GALNTL6: variants seen among roughly 807,000 people sequenced by gnomAD.
GALNTL6 encodes the protein polypeptide N-acetylgalactosaminyltransferase like 6, also known as polypeptide N-acetylgalactosaminyltransferase-like 6.
A neutral mutation model predicts 73.7 loss-of-function variants in GALNTL6; 46 were observed. The ratio of observed to expected loss-of-function variants is 0.62; its 90% CI spans 0.49 to 0.80. GALNTL6 has a LOEUF of 0.80. GALNTL6 is among the 30% of genes least tolerant of loss of function. GALNTL6 has a pLI of 0.00. For synonymous variants in GALNTL6, 259 were observed against 263.7 expected (o/e 0.98, Z 0.17); for missense variants, 604 against 755.0 (o/e 0.80, Z 2.34).
intron 5 of GALNTL6, among the ~76,000 whole-genome samples, chr4:172,372,331 G>A (rs61271678): frequency 0.015 from 2,332 of 152,210 alleles, 62 homozygotes; most frequent in African/African-American, 0.052. Flanking sequence ...TTGAAGCACC[G>A]GTCCCTCAAG....
At chr4:172,551,373 A>G (rs1459436286) in intron 5 of GALNTL6, among the ~76,000 whole-genome samples, 1 of 152,174 alleles carries the variant, frequency 6.6e-6, no homozygotes, top group Admixed American at 6.5e-5. Flanking sequence ...ATATAATTTC[A>G]GAGTAACATA....
intron 2 of GALNTL6, among the ~76,000 whole-genome samples, chr4:171,949,647 A>C (rs1057237603): frequency 1.3e-5 from 2 of 152,240 alleles, no homozygotes; most frequent in African/African-American, 4.8e-5. Flanking sequence ...TACTAGAATA[A>C]AAAGTGTCAA....
chr4:172,831,029 C>T (rs1742599602), intron 7 of GALNTL6, among the ~76,000 whole-genome samples: 1 of 144,970 alleles, frequency 6.9e-6, no homozygotes, highest in South Asian at 2.3e-4. Flanking sequence ...CATGGTGGCA[C>T]ATGCTTGTAA....
intron 5 of GALNTL6, among the ~76,000 whole-genome samples, chr4:172,792,548 G>A (rs1325965194): frequency 4.6e-5 from 7 of 151,656 alleles, no homozygotes; most frequent in Non-Finnish European, 1.0e-4. Flanking sequence ...CTTCCAAAAA[G>A]GAAAATGAAA....
chr4:172,653,224 CT>C (rs5864143), intron 5 of GALNTL6, among the ~76,000 whole-genome samples: 9 of 143,648 alleles, frequency 6.3e-5, no homozygotes, highest in Admixed American at 7.0e-5. Context: ...TCTCTTCTTC[CT>C]TTTTTTTTTT....
chr4:171,842,477 G>A lies in GALNTL6; in HGVS notation c.138+27759G>A, dbSNP rs140639039. ...CACTATGAAGAAATACCTGAGGCTG[G>A]GTAATTTATAAAGAAAAGAGGTTTA... On this transcript the variant is annotated intron_variant, in intron 2 of 12. Coordinates refer to ENST00000506823, the MANE Select transcript of GALNTL6 (RefSeq NM_001034845.3). Among the ~76,000 whole-genome samples the A allele has an allele frequency of 6.6e-3, 1,009 of 152,158 alleles. 10 individuals are homozygous for A. Among genetic ancestry groups the A allele is most frequent in the African/African-American group, 0.023 (943 of 41,512 alleles).
chr4:172,549,187 C>T lies in GALNTL6; in HGVS notation c.553+200498C>T, dbSNP rs560736186. 3.9e-5 allele frequency among the ~76,000 whole-genome samples: 6 copies of T among 152,252 alleles called. No individual in the cohort carries two copies. The East Asian group carries it at 1.2e-3, about 29-fold the overall frequency. ...GTAGTCAATTCCTTTTCCCAACTCC[C>T]AGTCCCTGGCAATAACTTGCATCGT... On this transcript the variant is annotated intron_variant, in intron 5 of 12. Coordinates refer to ENST00000506823, the MANE Select transcript of GALNTL6 (RefSeq NM_001034845.3).
chr4:172,882,293 C>A (rs1745496879), intron 7 of GALNTL6, among the ~76,000 whole-genome samples: 1 of 152,120 alleles, frequency 6.6e-6, no homozygotes, highest in Admixed American at 6.5e-5. Context: ...ACCTGCCGAT[C>A]TGTAGTTTGT....
intron 2 of GALNTL6, among the ~76,000 whole-genome samples, chr4:171,827,165 A>G (rs1734847183): frequency 6.6e-6 from 1 of 152,162 alleles, no homozygotes. Flanking sequence ...CATTTGCCAT[A>G]CAAGACTAGT....
At chr4:172,481,638 T>C (rs1733479292) in intron 5 of GALNTL6, among the ~76,000 whole-genome samples, 1 of 152,178 alleles carries the variant, frequency 6.6e-6, no homozygotes. Flanking sequence ...TTGGTATATT[T>C]ACAATCGTCT....
At chr4:172,203,429 G>T (rs1482577692) in intron 2 of GALNTL6, among the ~76,000 whole-genome samples, 1 of 152,098 alleles carries the variant, frequency 6.6e-6, no homozygotes, top group African/African-American at 2.4e-5. Flanking sequence ...AACGATGGCG[G>T]TATTTTAAAA....
chr4:172,194,630 G>A (rs955357882), intron 2 of GALNTL6, among the ~76,000 whole-genome samples: 1 of 152,116 alleles, frequency 6.6e-6, no homozygotes, highest in Non-Finnish European at 1.5e-5. Flanking sequence ...AAGAGATTGG[G>A]GAACTAACAT....
intron 5 of GALNTL6, among the ~76,000 whole-genome samples, chr4:172,467,818 CTTTCTTTCT>C (rs1732881004): frequency 8.7e-6 from 1 of 114,706 alleles, no homozygotes. Context: ...TTCTTTCTTT[CTTTCTTTCT>C]TTCTTTCTTT....
At chr4:173,029,195 T>A (rs1458399605) in intron 12 of GALNTL6, among the ~76,000 whole-genome samples, 1 of 152,188 alleles carries the variant, frequency 6.6e-6, no homozygotes, top group East Asian at 1.9e-4. Context: ...ATAAATGAAG[T>A]CACTAAAAAA....
chr4:172,343,076 T>C (rs771346746), intron 4 of GALNTL6, among the ~76,000 whole-genome samples: 7 of 152,174 alleles, frequency 4.6e-5, no homozygotes, highest in Non-Finnish European at 1.0e-4. Flanking sequence ...TTTTAAGTCA[T>C]TGAAATTTGG....
At chr4:172,941,882 T>G (rs1267843888) in intron 9 of GALNTL6, among the ~76,000 whole-genome samples, 1 of 152,230 alleles carries the variant, frequency 6.6e-6, no homozygotes, top group Non-Finnish European at 1.5e-5. Flanking sequence ...TTTCATGGAA[T>G]TAACTTCTTC....
In GALNTL6 at chr4:172,042,344, C is replaced by G. The variant is rs935149939; in HGVS notation, c.139-187312C>G. 5.3e-5 allele frequency among the ~76,000 whole-genome samples: 8 copies of G among 152,018 alleles called. No homozygotes were observed. In the East Asian group the frequency reaches 7.7e-4, roughly 15 times the overall value. On this transcript the variant is annotated intron_variant, in intron 2 of 12. Coordinates refer to ENST00000506823, the MANE Select transcript of GALNTL6 (RefSeq NM_001034845.3). ...TTGTTATGACTAATGAGATACTGAC[C>G]TTGATGTTTCTAAACTGTATATGGC... is the stretch of plus-strand genomic sequence containing the variant.
chr4:172,582,785 G>A (rs565628227), intron 5 of GALNTL6, among the ~76,000 whole-genome samples: 43 of 146,742 alleles, frequency 2.9e-4, no homozygotes, highest in African/African-American at 1.0e-3. Context: ...CACACTCAAC[G>A]TTCTCCATTC....
At chr4:172,722,605 A>C (rs1297101121) in intron 5 of GALNTL6, among the ~76,000 whole-genome samples, 1 of 152,184 alleles carries the variant, frequency 6.6e-6, no homozygotes, top group African/African-American at 2.4e-5. Flanking sequence ...AAATGAAAAT[A>C]TAAGAAAAGA....
Sources: gnomAD v4.1 joint callset for allele counts (sites outside exome capture counted in the v4.1 genomes callset) on GRCh38, gnomAD v4.1.1 for gene constraint, MANE v1.5 for transcripts, NCBI Gene and HGNC (gene_info 2026-07-23, HGNC 2026-07-21) for gene names.